The following NFIB variants were observed in gnomAD, a reference collection of about 807,000 sequenced individuals.
NFIB encodes the protein nuclear factor 1 B-type.
NFIB carries 11 observed loss-of-function variants against 61.5 expected under a neutral mutation model. The observed-to-expected ratio is 0.18, with a 90% CI of 0.11 to 0.30. The LOEUF (loss-of-function observed/expected upper bound fraction) is 0.30, where lower values mean the gene tolerates loss of function less well. Among genes scored for constraint, NFIB ranks in the 10% least tolerant of loss-of-function variants. The pLI, the probability that NFIB is intolerant of heterozygous loss-of-function variation, is 1.00. For synonymous variants in NFIB, 260 were observed against 216.5 expected, an observed-to-expected ratio of 1.20 and a Z score of -1.76; for missense variants, 471 against 608.9, an observed-to-expected ratio of 0.77 and a Z score of 2.38.
intron 1 of NFIB, among the ~76,000 whole-genome samples, chr9:14,337,524 T>C (rs1443591275): frequency 3.9e-5 from 6 of 152,212 alleles, no homozygotes; most frequent in African/African-American, 1.4e-4. Context: ...CATTATTGCA[T>C]TGGTGTTTAC....
intron 1 of NFIB, among the ~76,000 whole-genome samples, chr9:14,377,921 A>C (rs1290671231): frequency 6.6e-6 from 1 of 152,232 alleles, no homozygotes; most frequent in African/African-American, 2.4e-5. Context: ...AGTTTTTAAT[A>C]GTCCCCACTT....
At chr9:14,128,495 C>T (rs1031013104) in intron 6 of NFIB, among the ~76,000 whole-genome samples, 2 of 151,926 alleles carry the variant, frequency 1.3e-5, no homozygotes, top group Admixed American at 6.6e-5. Flanking sequence ...GTGAGGAGTT[C>T]GAGACCAGCC....
At chr9:14,437,133 G>A in the NFIB span, among the ~76,000 whole-genome samples, 1 of 152,162 alleles carries the variant, frequency 6.6e-6, no homozygotes, top group East Asian at 1.9e-4. Flanking sequence ...CATCAGAAAG[G>A]TAAGGTAAAT....
intron 2 of NFIB, among the ~76,000 whole-genome samples, chr9:14,261,188 G>T (rs781534577): frequency 2.6e-5 from 4 of 152,082 alleles, no homozygotes; most frequent in Non-Finnish European, 5.9e-5. Context: ...GTGGTGGCAG[G>T]CACCTGTAAT....
intron 3 of NFIB, among the ~76,000 whole-genome samples, chr9:14,169,464 A>C (rs147630829): frequency 6.6e-6 from 1 of 152,292 alleles, no homozygotes; most frequent in East Asian, 1.9e-4. Context: ...ACAACTTTGA[A>C]AACCAAAACC....
At chr9:14,187,315 G>T (rs2047488345) in intron 2 of NFIB, among the ~76,000 whole-genome samples, 1 of 152,018 alleles carries the variant, frequency 6.6e-6, no homozygotes, top group African/African-American at 2.4e-5. Flanking sequence ...AGAGAAATTA[G>T]ACCTCTCTGA....
At chr9:14,365,723 T>C (rs1386066219) in intron 1 of NFIB, among the ~76,000 whole-genome samples, 1 of 152,222 alleles carries the variant, frequency 6.6e-6, no homozygotes, top group Non-Finnish European at 1.5e-5. Flanking sequence ...ATCAATTATT[T>C]TCTTAGGAAA....
chr9:14,410,089 G>A, the NFIB span, among the ~76,000 whole-genome samples: 54 of 151,384 alleles, frequency 3.6e-4, no homozygotes, highest in Admixed American at 2.7e-3. Context: ...GTCTGTAACC[G>A]TGTTAAGTCA....
the NFIB span, among the ~76,000 whole-genome samples, chr9:14,489,780 A>G: frequency 6.6e-6 from 1 of 152,076 alleles, no homozygotes; most frequent in South Asian, 2.1e-4. Context: ...ATCTATACAC[A>G]TATATTATTT....
intron 2 of NFIB, among the ~76,000 whole-genome samples, chr9:14,224,654 T>C (rs1358615971): frequency 1.3e-5 from 2 of 152,202 alleles, no homozygotes; most frequent in African/African-American, 2.4e-5. Context: ...TTAAAGTATA[T>C]GGGAGGATGT....
chr9:14,355,968 CAAAT>C (rs990467415), intron 1 of NFIB, among the ~76,000 whole-genome samples: 1 of 131,366 alleles, frequency 7.6e-6, no homozygotes, highest in Non-Finnish European at 1.6e-5. Context: ...AACAAACAAA[CAAAT>C]AAAAAAAAAA....
At chr9:14,242,038 GAAGTT>G (rs1338431502) in intron 2 of NFIB, among the ~76,000 whole-genome samples, 1 of 152,044 alleles carries the variant, frequency 6.6e-6, no homozygotes, top group Non-Finnish European at 1.5e-5. Context: ...AAAAATTCCA[GAAGTT>G]AAGCCTATAA....
At position 14,086,294 on chromosome 9, in the gene NFIB, G is replaced by A. The variant is rs1260963592; in HGVS notation, c.*2015C>T. ...AAAAAAATCCCCTGTCCATCTCTCAGTACACAAAAGGACCTCATCACACTG... is the reference window on the plus strand; with the variant it reads ...AAAAAAATCCCCTGTCCATCTCTCAATACACAAAAGGACCTCATCACACTG... On this transcript the variant is annotated 3_prime_UTR_variant, in exon 11 of 11. Coordinates refer to ENST00000380953, the MANE Select transcript of NFIB (RefSeq NM_001190737.2). 2 of 220,050 alleles carry A rather than the reference G, an allele frequency of 9.1e-6. No individual in the cohort carries two copies. Among genetic ancestry groups the A allele is most frequent in the African/African-American group, 4.5e-5 (2 of 44,320 alleles). The allele number at this position is 220,050 out of a possible 1,614,324, so 13.6% of individuals were successfully genotyped here.
Position 14,190,706 on chromosome 9 carries a change from T to C in NFIB, c.563-10926A>G, listed in dbSNP as rs950755547. The stretch of plus-strand genomic sequence containing the variant: ...AAAGAAAGGAACTCAATTATACTGA[T>C]AAAATAAAAACAAAAAAATAGCTGA... On this transcript the variant is annotated intron_variant, in intron 2 of 10. Coordinates refer to ENST00000380953, the MANE Select transcript of NFIB (RefSeq NM_001190737.2). 4.6e-5 allele frequency among the ~76,000 whole-genome samples: 7 copies of C among 152,118 alleles called. No homozygotes were observed. The East Asian group carries it at 1.3e-3, about 29-fold the overall frequency.
At chr9:14,326,651 C>G (rs1338219270) in intron 1 of NFIB, among the ~76,000 whole-genome samples, 1 of 149,886 alleles carries the variant, frequency 6.7e-6, no homozygotes, top group African/African-American at 2.5e-5. Context: ...CAGACTTATT[C>G]CATGCACCAA....
chr9:14,174,202 C>G (rs952122254), intron 3 of NFIB, among the ~76,000 whole-genome samples: 35 of 152,140 alleles, frequency 2.3e-4, no homozygotes, highest in African/African-American at 8.4e-4. Context: ...GATTTTAGCA[C>G]TGACCCATAC....
chr9:14,353,151 A>C (rs939736734), intron 1 of NFIB, among the ~76,000 whole-genome samples: 5 of 152,128 alleles, frequency 3.3e-5, no homozygotes, highest in African/African-American at 1.2e-4. Context: ...TTGGGTAGGT[A>C]GCTACTACCA....
At chr9:14,414,241 CA>C in the NFIB span, among the ~76,000 whole-genome samples, 1 of 151,896 alleles carries the variant, frequency 6.6e-6, no homozygotes, top group Non-Finnish European at 1.5e-5. Flanking sequence ...ATTGAGACCC[CA>C]TGGCCAATAT....
At chr9:14,365,600 T>C (rs1008363934) in intron 1 of NFIB, among the ~76,000 whole-genome samples, 2 of 152,246 alleles carry the variant, frequency 1.3e-5, no homozygotes, top group Non-Finnish European at 2.9e-5. Context: ...AATGATGAGT[T>C]CATCTGAAGG....
Sources: gnomAD v4.1 joint callset for allele counts (sites outside exome capture counted in the v4.1 genomes callset) on GRCh38, gnomAD v4.1.1 for gene constraint, MANE v1.5 for transcripts, NCBI Gene and HGNC (gene_info 2026-07-23, HGNC 2026-07-21) for gene names.